GFRAL: variants seen among roughly 807,000 people sequenced by gnomAD.
GFRAL encodes the protein GDNF family receptor alpha-like.
A neutral mutation model predicts 45.4 loss-of-function variants in GFRAL; 36 were observed. That is an observed-to-expected ratio of 0.79 (90% CI 0.61 to 1.05). The LOEUF (loss-of-function observed/expected upper bound fraction) is 1.05. Ranked by LOEUF, GFRAL falls within the 50% of genes least tolerant of loss-of-function variation. The pLI, the probability that GFRAL is intolerant of heterozygous loss-of-function variation, is 0.00. For synonymous variants in GFRAL, 166 were observed against 154.1 expected, an observed-to-expected ratio of 1.08 and a Z score of -0.57; for missense variants, 507 against 467.5, an observed-to-expected ratio of 1.08 and a Z score of -0.78.
At chr6:55,342,784 C>T (rs1581902631) in intron 3 of GFRAL, among the ~76,000 whole-genome samples, 1 of 152,212 alleles carries the variant, frequency 6.6e-6, no homozygotes, top group Non-Finnish European at 1.5e-5. Flanking sequence ...GGAGACCCAT[C>T]TCACGTGCAG....
At chr6:55,393,528 C>T (rs1034758708) in intron 6 of GFRAL, among the ~76,000 whole-genome samples, 2 of 152,108 alleles carry the variant, frequency 1.3e-5, no homozygotes, top group African/African-American at 4.8e-5. Flanking sequence ...GGTCTTTAGG[C>T]AGACACCTGA....
chr6:55,349,447 G>A (rs1305095084), intron 3 of GFRAL, among the ~76,000 whole-genome samples: 1 of 151,944 alleles, frequency 6.6e-6, no homozygotes, highest in Non-Finnish European at 1.5e-5. Context: ...TGTTTTATAT[G>A]TCTGTATTTC....
In GFRAL at chr6:55,351,582, A is replaced by G. The variant is rs1190613776; in HGVS notation, c.700A>G (p.Arg234Gly). Reference protein sequence around the residue: ...IRSCQNDELCRRHYRTFQSKC... With the variant: ...IRSCQNDELCGRHYRTFQSKC... The stretch of plus-strand genomic sequence containing the variant: ...CAGCTGCCAAAATGATGAATTATGC[A>G]GGTGGGTAAAAACACTCATACCTTA... Residue 234 changes from arginine to glycine, a missense_variant and splice_region_variant, in exon 5 of 9, where the codon AGG becomes GGG. Physicochemically the swap from Arg to Gly is moderately radical, Grantham distance 125 (BLOSUM62 -2). Coordinates refer to ENST00000340465, the MANE Select transcript of GFRAL (RefSeq NM_207410.2). 1.9e-6 allele frequency: 3 copies of G among 1,593,774 alleles called. No individual in the cohort carries two copies. In the Admixed American group the frequency reaches 5.1e-5, roughly 27 times the overall value.
intron 6 of GFRAL, among the ~76,000 whole-genome samples, chr6:55,379,384 A>G (rs1371464182): frequency 6.6e-6 from 1 of 151,816 alleles, no homozygotes; most frequent in African/African-American, 2.4e-5. Context: ...TAAAACCATT[A>G]TGTTGATTTG....
chr6:55,333,868 TA>T lies in GFRAL; in HGVS notation c.243del (p.Glu82SerfsTer12). 6.2e-7 allele frequency: 1 copy of T among 1,610,724 alleles called. No individual in the cohort carries two copies. Among genetic ancestry groups the T allele is most frequent in the Non-Finnish European group, 8.5e-7 (1 of 1,177,814 alleles). ...ACTTAGTGGAAAGCAATTTCCAATTTAAAGAGTGTCTTTGCACTGATGACTT... is the reference window on the plus strand; with the variant it reads ...ACTTAGTGGAAAGCAATTTCCAATTTAAGAGTGTCTTTGCACTGATGACTT... ...QYLVESNFQF[K>X]ECLCTDDFYC... On this transcript the variant is annotated frameshift_variant, in exon 3 of 9. Coordinates refer to ENST00000340465, the MANE Select transcript of GFRAL (RefSeq NM_207410.2). LOFTEE classifies it high-confidence loss of function.
chr6:55,393,031 T>C (rs1398334393), intron 6 of GFRAL, among the ~76,000 whole-genome samples: 3 of 152,176 alleles, frequency 2.0e-5, no homozygotes, highest in African/African-American at 7.2e-5. Context: ...GATTATAAAT[T>C]AGTACTTACA....
At chr6:55,362,354 G>A (rs1258189891) in intron 6 of GFRAL, among the ~76,000 whole-genome samples, 3 of 151,674 alleles carry the variant, frequency 2.0e-5, no homozygotes, top group African/African-American at 7.3e-5. Context: ...AGTCCTATTA[G>A]TCTGAACTTC....
chr6:55,395,175 A>AAAAATATATATATATATATATAT, intron 6 of GFRAL, among the ~76,000 whole-genome samples: 3 of 123,510 alleles, frequency 2.4e-5, no homozygotes, highest in African/African-American at 6.9e-5. Context: ...AAAAAAAAAA[A>AAAAATATATATATATATATATAT]ATATATATAT....
intron 6 of GFRAL, among the ~76,000 whole-genome samples, chr6:55,387,101 CA>C (rs150365843): frequency 0.014 from 2,197 of 152,050 alleles, 57 homozygotes; most frequent in African/African-American, 0.049. Context: ...TGCTCAAAGC[CA>C]AAACATAAAG....
rs772293815 is a variant in GFRAL, at chr6:55,351,487, A to G, written c.605A>G (p.Lys202Arg). The change falls in exon 5 of 9, where the codon AAA becomes AGA. Residue 202 changes from lysine (K) to arginine (R), a missense_variant. Transcript: ENST00000340465. Reference sequence around the variant, plus strand: ...TCTGATATACCTTGTCAGCAGTCCAAAGAAGCTCTTCACAGCAAGACATGT... The same window carrying G: ...TCTGATATACCTTGTCAGCAGTCCAGAGAAGCTCTTCACAGCAAGACATGT... Reference protein sequence around the residue: ...AQSDIPCQQSKEALHSKTCAV... With the variant: ...AQSDIPCQQSREALHSKTCAV... 3 of 1,613,602 alleles carry G rather than the reference A, an allele frequency of 1.9e-6. No homozygotes were observed. Among genetic ancestry groups the G allele is most frequent in the Admixed American group, 3.3e-5 (2 of 59,864 alleles).
intron 6 of GFRAL, among the ~76,000 whole-genome samples, chr6:55,368,732 G>T (rs1330148927): frequency 6.6e-6 from 1 of 152,286 alleles, no homozygotes; most frequent in African/African-American, 2.4e-5. Context: ...CTGCTGGGGG[G>T]TGCCTCCCAG....
chr6:55,375,747 T>A lies in GFRAL; in HGVS notation c.952+16609T>A, dbSNP rs544777744. 4.2e-3 allele frequency among the ~76,000 whole-genome samples: 635 copies of A among 152,290 alleles called. 5 individuals carry two copies. Among genetic ancestry groups the A allele is most frequent in the African/African-American group, 0.015 (604 of 41,564 alleles). On this transcript the variant is annotated intron_variant, in intron 6 of 8. Transcript: ENST00000340465. ...ACTTTGCTGAAGTTGCTTATCAGCT[T>A]AAGATGCTTTTGGGCTAAAACAATG...
chr6:55,378,544 AACTATG>A (rs1768564759), intron 6 of GFRAL, among the ~76,000 whole-genome samples: 1 of 151,800 alleles, frequency 6.6e-6, no homozygotes, highest in Non-Finnish European at 1.5e-5. Context: ...CTCACTGCAA[AACTATG>A]GTCATGGAGG....
At chr6:55,375,070 T>A (rs1430399472) in intron 6 of GFRAL, among the ~76,000 whole-genome samples, 6 of 152,178 alleles carry the variant, frequency 3.9e-5, no homozygotes. Context: ...ACCTCCAGAT[T>A]TGTTCCTTTT....
intron 6 of GFRAL, among the ~76,000 whole-genome samples, chr6:55,380,462 C>G (rs372590226): frequency 1.3e-5 from 2 of 151,788 alleles, no homozygotes; most frequent in East Asian, 1.9e-4. Context: ...AGCCCTAACC[C>G]CAGTAATTCT....
At chr6:55,366,584 A>G (rs1387791059) in intron 6 of GFRAL, among the ~76,000 whole-genome samples, 4 of 138,758 alleles carry the variant, frequency 2.9e-5, no homozygotes, top group East Asian at 2.0e-4. Flanking sequence ...ATTTAGTCCT[A>G]TAAATTTCCC....
At chr6:55,365,168 G>T (rs1435213573) in intron 6 of GFRAL, among the ~76,000 whole-genome samples, 5 of 150,412 alleles carry the variant, frequency 3.3e-5, no homozygotes, top group Non-Finnish European at 5.9e-5. Context: ...CCTTGTAAGT[G>T]GGATTCCTAG....
At chr6:55,335,821 A>T (rs1292839826) in intron 3 of GFRAL, among the ~76,000 whole-genome samples, 2 of 152,182 alleles carry the variant, frequency 1.3e-5, no homozygotes, top group African/African-American at 4.8e-5. Flanking sequence ...GCTTCACAGA[A>T]AGTCTTGAAA....
intron 3 of GFRAL, among the ~76,000 whole-genome samples, chr6:55,337,339 CTA>C (rs1320286837): frequency 6.6e-6 from 1 of 152,044 alleles, no homozygotes; most frequent in Non-Finnish European, 1.5e-5. Context: ...GTTTAAAAAA[CTA>C]TGTTCATAAA....
Sources: allele counts gnomAD v4.1 joint callset (sites outside exome capture counted in the v4.1 genomes callset), GRCh38; gene constraint gnomAD v4.1.1; transcripts MANE v1.5; gene names NCBI Gene and HGNC (gene_info 2026-07-23, HGNC 2026-07-21).